Variants in ASB15 observed in about 807,000 individuals in gnomAD.
ASB15 encodes ankyrin repeat and SOCS box protein 15.
In ASB15, 54 loss-of-function variants were observed where a neutral mutation model predicts 58.0. The observed-to-expected ratio is 0.93, with a 90% CI of 0.75 to 1.17. ASB15 has a LOEUF of 1.17. ASB15 is among the 50% of genes most tolerant of loss of function. ASB15 has a pLI of 0.00. For missense variants in ASB15, 680 were observed against 707.4 expected (o/e 0.96, Z 0.44); for synonymous variants, 249 against 262.4 (o/e 0.95, Z 0.50).
intron 1 of ASB15, among the ~76,000 whole-genome samples, chr7:123,589,841 G>A (rs1476307938): frequency 1.3e-5 from 2 of 152,162 alleles, no homozygotes; most frequent in African/African-American, 2.4e-5. Context: ...ACCCAGTAAT[G>A]GGATCGCTAA....
At chr7:123,610,464 G>T (rs1309035698) in intron 3 of ASB15, among the ~76,000 whole-genome samples, 1 of 152,140 alleles carries the variant, frequency 6.6e-6, no homozygotes, top group Non-Finnish European at 1.5e-5. Flanking sequence ...CTGAATTAAG[G>T]ATTTAACATA....
At chr7:123,606,220 G>A (rs1341810493) in intron 2 of ASB15, among the ~76,000 whole-genome samples, 1 of 152,130 alleles carries the variant, frequency 6.6e-6, no homozygotes, top group African/African-American at 2.4e-5. Flanking sequence ...CAATAACTTA[G>A]GTAATGAAGC....
At chr7:123,596,272 A>G (rs180848280) in intron 1 of ASB15, 4 of 152,316 alleles carry the variant, frequency 2.6e-5, no homozygotes, top group East Asian at 1.9e-4. Context: ...TGAATCCACA[A>G]GAGGCAAGAG....
At chr7:123,578,990 T>C (rs1184713988) in intron 1 of ASB15, among the ~76,000 whole-genome samples, 2 of 152,108 alleles carry the variant, frequency 1.3e-5, no homozygotes, top group South Asian at 2.1e-4. Flanking sequence ...TTTGGGCTTC[T>C]ATTGAACCCA....
intron 6 of ASB15, among the ~76,000 whole-genome samples, chr7:123,617,261 T>A (rs1408176182): frequency 6.6e-6 from 1 of 152,284 alleles, no homozygotes; most frequent in South Asian, 2.1e-4. Context: ...AAAAAAACAA[T>A]TTCAGTTACA....
chr7:123,598,831 C>T (rs1799784170), upstream of ASB15: 1 of 152,102 alleles, frequency 6.6e-6, no homozygotes, highest in Non-Finnish European at 1.5e-5. Context: ...ACTAAATGAC[C>T]AGAGTAATGT....
chr7:123,621,243 A>G (rs1017817167), intron 7 of ASB15, among the ~76,000 whole-genome samples: 1 of 152,252 alleles, frequency 6.6e-6, no homozygotes, highest in Admixed American at 6.5e-5. Context: ...CAGAGTTGAA[A>G]TAGAATTAAT....
intron 2 of ASB15, among the ~76,000 whole-genome samples, chr7:123,606,018 A>G (rs1800133504): frequency 6.6e-6 from 1 of 152,220 alleles, no homozygotes; most frequent in African/African-American, 2.4e-5. Flanking sequence ...ATACTTTTTA[A>G]AAGTCTGGAG....
At chr7:123,603,715 T>A (rs1800000577) in intron 1 of ASB15, among the ~76,000 whole-genome samples, 1 of 152,016 alleles carries the variant, frequency 6.6e-6, no homozygotes, top group African/African-American at 2.4e-5. Context: ...CAGAAGGAAA[T>A]AAAGGCCAAA....
Position 123,617,583 on chromosome 7 carries a change from C to A in ASB15, c.297C>A (p.Ser99=), listed in dbSNP as rs770385759. ...CATAATGCTTTCATGTCACAGCATC[C>A]TATAAGACACTCTGGGAATTCAAGA... The part of the protein sequence containing the change: ...QQILEIVLDA[S]YKTLWEFKTC... Residue 99 remains serine, a synonymous_variant, in exon 7 of 12, where the codon TCC becomes TCA. Transcript: ENST00000451215. 1 of 1,608,722 alleles carries A rather than the reference C, an allele frequency of 6.2e-7. No individual in the cohort carries two copies. Among genetic ancestry groups the A allele is most frequent in the South Asian group, 1.1e-5 (1 of 90,914 alleles).
chr7:123,628,452 C>T (rs1801933471), intron 9 of ASB15, among the ~76,000 whole-genome samples: 1 of 152,150 alleles, frequency 6.6e-6, no homozygotes, highest in Non-Finnish European at 1.5e-5. Context: ...CTTCCTATCA[C>T]CCCATGATCC....
chr7:123,581,472 G>A (rs1799233434), intron 1 of ASB15, among the ~76,000 whole-genome samples: 1 of 150,740 alleles, frequency 6.6e-6, no homozygotes, highest in Non-Finnish European at 1.5e-5. Flanking sequence ...CAGAGAAAGG[G>A]GATCCCATCC....
chr7:123,605,902 T>C (rs565969712), intron 2 of ASB15, among the ~76,000 whole-genome samples: 1 of 152,288 alleles, frequency 6.6e-6, no homozygotes, highest in East Asian at 1.9e-4. Context: ...GTACTATGCC[T>C]ATTACCTGCA....
upstream of ASB15, among the ~76,000 whole-genome samples, chr7:123,599,501 T>C (rs1020130825): frequency 6.6e-6 from 1 of 152,202 alleles, no homozygotes; most frequent in East Asian, 1.9e-4. Context: ...AGTGCCACAC[T>C]CTTTTTCAGG....
Position 123,629,056 on chromosome 7 carries a change from G to A in ASB15, c.1062G>A (p.Leu354=). 1 of 1,613,766 alleles carries A rather than the reference G, an allele frequency of 6.2e-7. No homozygotes were observed. The highest frequency in any genetic ancestry group is 8.5e-7 in the Non-Finnish European group (1 of 1,179,804). The stretch of plus-strand genomic sequence containing the variant: ...ATGACGATGAGAGGAAGACTGCGCT[G>A]TATTTTGGCGTTTCTAATAATGACG... The part of the protein sequence containing the change: ...QSYDDERKTA[L]YFGVSNNDVH... Residue 354 remains leucine, a synonymous_variant, in exon 10 of 12, where the codon CTG becomes CTA. Coordinates refer to ENST00000451215, the MANE Select transcript of ASB15 (RefSeq NM_001290258.2).
chr7:123,602,594 C>T (rs921948842), intron 1 of ASB15, among the ~76,000 whole-genome samples: 2 of 152,028 alleles, frequency 1.3e-5, no homozygotes, highest in Non-Finnish European at 2.9e-5. Context: ...CTGCTTTGTG[C>T]TGAGATTATT....
chr7:123,612,823 T>A (rs77320518), intron 3 of ASB15, among the ~76,000 whole-genome samples: 2,580 of 152,320 alleles, frequency 0.017, 75 homozygotes, highest in African/African-American at 0.059. Flanking sequence ...AGCACAAACC[T>A]GGAGATGACG....
chr7:123,576,709 A>G (rs1799075772), intron 1 of ASB15, among the ~76,000 whole-genome samples: 1 of 152,142 alleles, frequency 6.6e-6, no homozygotes, highest in Admixed American at 6.6e-5. Context: ...CAGTAAAAGA[A>G]AACAGCTTTT....
intron 1 of ASB15, among the ~76,000 whole-genome samples, chr7:123,567,828 A>C (rs962008188): frequency 6.6e-6 from 1 of 152,190 alleles, no homozygotes; most frequent in Non-Finnish European, 1.5e-5. Flanking sequence ...GAAAAAAAAA[A>C]CAAACATTCT....
Sources: gnomAD v4.1 joint callset for allele counts (sites outside exome capture counted in the v4.1 genomes callset) on GRCh38, gnomAD v4.1.1 for gene constraint, MANE v1.5 for transcripts, NCBI Gene and HGNC (gene_info 2026-07-23, HGNC 2026-07-21) for gene names.